The following TOX variants were observed in gnomAD, a reference collection of about 807,000 sequenced individuals.
The protein encoded by TOX is thymocyte selection associated high mobility group box.
TOX carries 11 observed loss-of-function variants against 53.7 expected under a neutral mutation model. The observed-to-expected ratio is 0.20, with a 90% CI of 0.13 to 0.34. TOX has a LOEUF of 0.34. Ranked by LOEUF, TOX falls within the 10% of genes least tolerant of loss-of-function variation. TOX has a pLI of 1.00. For missense variants in TOX, 570 were observed against 664.6 expected (o/e 0.86, Z 1.56); for synonymous variants, 225 against 245.3 (o/e 0.92, Z 0.77).
At position 59,085,336 on chromosome 8, in the gene TOX, T is replaced by A. The variant is rs543168438; in HGVS notation, c.102+33550A>T. On this transcript the variant is annotated intron_variant, in intron 1 of 8. Coordinates refer to ENST00000361421, the MANE Select transcript of TOX (RefSeq NM_014729.3). ...AAAAGTAATGTAATCAAACTTTTTT[T>A]AAAATTATATGATGCCAAACCACCA... Among the ~76,000 whole-genome samples, 151 of 152,356 alleles carry A rather than the reference T, an allele frequency of 9.9e-4. 2 individuals carry two copies. The Middle Eastern group carries it at 0.01, about 10-fold the overall frequency.
chr8:58,995,192 T>G (rs1034347288), intron 1 of TOX, among the ~76,000 whole-genome samples: 3 of 152,254 alleles, frequency 2.0e-5, no homozygotes, highest in Non-Finnish European at 4.4e-5. Context: ...ATAATGGAGA[T>G]AAAGGTCTTG....
At chr8:58,853,678 T>G (rs1585861499) in intron 3 of TOX, among the ~76,000 whole-genome samples, 1 of 152,204 alleles carries the variant, frequency 6.6e-6, no homozygotes, top group African/African-American at 2.4e-5. Flanking sequence ...TACTTAAAAA[T>G]GCATTTTCAA....
intron 1 of TOX, among the ~76,000 whole-genome samples, chr8:58,968,772 T>A (rs1248099737): frequency 6.6e-6 from 1 of 152,160 alleles, no homozygotes; most frequent in Non-Finnish European, 1.5e-5. Context: ...GTATGCTCAG[T>A]TCTAGGAACC....
intron 1 of TOX, among the ~76,000 whole-genome samples, chr8:59,078,357 G>A (rs12334405): frequency 0.2 from 30,512 of 152,048 alleles, 4,887 homozygotes; most frequent in African/African-American, 0.43. Flanking sequence ...GGCCTGGTAG[G>A]AGGGTTTGGG....
In TOX at chr8:59,115,213, G is replaced by A. The variant is rs147003347; in HGVS notation, c.102+3673C>T. On this transcript the variant is annotated intron_variant, in intron 1 of 8. Transcript: ENST00000361421. ...ATTATTTCTCCTCCCACTGCAGGCC[G>A]AGGTCACCATCCCTGTCATTAGCCA... Among the ~76,000 whole-genome samples, 391 of 151,732 alleles carry A rather than the reference G, an allele frequency of 2.6e-3. 1 individual carries two copies. Among genetic ancestry groups the A allele is most frequent in the African/African-American group, 9.1e-3 (378 of 41,348 alleles).
At chr8:58,882,483 A>T (rs1811400013) in intron 3 of TOX, among the ~76,000 whole-genome samples, 1 of 152,216 alleles carries the variant, frequency 6.6e-6, no homozygotes, top group Non-Finnish European at 1.5e-5. Context: ...TGGTTTACTT[A>T]AGAGAACTTG....
At chr8:58,815,010 T>C (rs2129164520) in intron 7 of TOX, among the ~76,000 whole-genome samples, 1 of 152,268 alleles carries the variant, frequency 6.6e-6, no homozygotes, top group South Asian at 2.1e-4. Flanking sequence ...TATCTTAAAA[T>C]AACAAATGTA....
chr8:58,882,563 G>C (rs1811401434), intron 3 of TOX, among the ~76,000 whole-genome samples: 1 of 152,164 alleles, frequency 6.6e-6, no homozygotes, highest in Non-Finnish European at 1.5e-5. Context: ...AGGGTATCTT[G>C]TCCTTGAAGT....
chr8:58,966,937 C>T (rs1489408987), intron 1 of TOX, among the ~76,000 whole-genome samples: 7 of 148,628 alleles, frequency 4.7e-5, no homozygotes, highest in Non-Finnish European at 7.4e-5. Context: ...TGCAGTGGCA[C>T]GATCTTGGCT....
chr8:58,932,016 C>G (rs1812262945), intron 3 of TOX, among the ~76,000 whole-genome samples: 1 of 152,076 alleles, frequency 6.6e-6, no homozygotes, highest in African/African-American at 2.4e-5. Flanking sequence ...CATACTGAGT[C>G]CATTGAACTA....
chr8:58,900,060 T>TGTTCTTCTGTGTTCTGTGTTCACTGCAA (rs1376646802), intron 3 of TOX, among the ~76,000 whole-genome samples: 1 of 152,168 alleles, frequency 6.6e-6, no homozygotes, highest in East Asian at 1.9e-4. Flanking sequence ...AATTATTCTG[T>TGTTCTTCTGTGTTCTGTGTTCACTGCAA]ATGAAGTTCT....
intron 1 of TOX, among the ~76,000 whole-genome samples, chr8:59,101,773 G>GA (rs1198303056): frequency 6.6e-6 from 1 of 152,130 alleles, no homozygotes; most frequent in Non-Finnish European, 1.5e-5. Flanking sequence ...GGAAAAGGGG[G>GA]AAAAATCCAA....
chr8:59,030,517 G>C (rs1056773920), intron 1 of TOX, among the ~76,000 whole-genome samples: 1 of 152,096 alleles, frequency 6.6e-6, no homozygotes, highest in Non-Finnish European at 1.5e-5. Flanking sequence ...ATACGCGCTC[G>C]TTTGCTGCTT....
intron 6 of TOX, among the ~76,000 whole-genome samples, chr8:58,822,933 C>T (rs1810306092): frequency 6.6e-6 from 1 of 152,180 alleles, no homozygotes; most frequent in South Asian, 2.1e-4. Flanking sequence ...GGGCTAATTC[C>T]TACTGTGCAG....
chr8:59,107,782 TG>T (rs1279642819), intron 1 of TOX, among the ~76,000 whole-genome samples: 1 of 152,206 alleles, frequency 6.6e-6, no homozygotes. Context: ...GAACGTATTC[TG>T]AAAGCCTATG....
intron 3 of TOX, among the ~76,000 whole-genome samples, chr8:58,892,257 T>C (rs1053984805): frequency 2.0e-5 from 3 of 152,148 alleles, no homozygotes; most frequent in Non-Finnish European, 4.4e-5. Context: ...ATGGATTCCA[T>C]TCCAGGATGT....
chr8:58,971,721 C>G (rs1035003685), intron 1 of TOX, among the ~76,000 whole-genome samples: 1 of 151,844 alleles, frequency 6.6e-6, no homozygotes, highest in Non-Finnish European at 1.5e-5. Context: ...GGAGTCTCTC[C>G]TCTGTCACCT....
chr8:58,809,759 G>A (rs1810045847), intron 7 of TOX, among the ~76,000 whole-genome samples: 1 of 152,236 alleles, frequency 6.6e-6, no homozygotes, highest in Non-Finnish European at 1.5e-5. Context: ...GAAAACTCTT[G>A]AGAGGAGCCT....
chr8:59,087,641 A>G (rs889995859), intron 1 of TOX, among the ~76,000 whole-genome samples: 17 of 152,220 alleles, frequency 1.1e-4, no homozygotes, highest in Non-Finnish European at 2.2e-4. Context: ...AATGCCATAA[A>G]GTATTCAAAT....
Sources: gnomAD v4.1 joint callset for allele counts (sites outside exome capture counted in the v4.1 genomes callset) on GRCh38, gnomAD v4.1.1 for gene constraint, MANE v1.5 for transcripts, NCBI Gene and HGNC (gene_info 2026-07-23, HGNC 2026-07-21) for gene names.